Variants in SLC9A7 observed in about 807,000 individuals in gnomAD.
The protein encoded by SLC9A7 is sodium/hydrogen exchanger 7.
In SLC9A7, 19 loss-of-function variants were observed where a neutral mutation model predicts 52.6. The ratio of observed to expected loss-of-function variants is 0.36; its 90% CI spans 0.25 to 0.53. The LOEUF (loss-of-function observed/expected upper bound fraction) is 0.53. SLC9A7 is among the 20% of genes least tolerant of loss of function. The pLI, the probability that SLC9A7 is intolerant of heterozygous loss-of-function variation, is 0.91. For synonymous variants in SLC9A7, 226 were observed against 252.1 expected (o/e 0.90, Z 0.98); for missense variants, 455 against 597.9 (o/e 0.76, Z 2.49).
intron 1 of SLC9A7, among the ~76,000 whole-genome samples, chrX:46,756,351 T>A (rs1556292392): frequency 8.9e-6 from 1 of 112,216 alleles, no homozygotes; most frequent in African/African-American, 3.2e-5. Flanking sequence ...TCTTGAAAAA[T>A]CTTTACTGGA....
chrX:46,642,306 GC>G (rs776622186), intron 12 of SLC9A7, among the ~76,000 whole-genome samples: 19 of 112,918 alleles, frequency 1.7e-4, no homozygotes, highest in Middle Eastern at 4.6e-3. Flanking sequence ...AAAAACCATT[GC>G]CACCTTGTGG....
chrX:46,717,629 C>T (rs777190030), intron 1 of SLC9A7, among the ~76,000 whole-genome samples: 1 of 111,845 alleles, frequency 8.9e-6, no homozygotes, highest in South Asian at 3.8e-4. Context: ...ATCCACCCAT[C>T]TCAGCCTCCC....
chrX:46,607,173 CAG>C lies in SLC9A7; in HGVS notation c.1958_1959del (p.Ser653Ter). 2 of 1,210,993 alleles carry C rather than the reference CAG, an allele frequency of 1.7e-6. No individual in the cohort carries two copies. Among genetic ancestry groups the C allele is most frequent in the Non-Finnish European group, 2.2e-6 (2 of 895,167 alleles). ...AGGTCGCCTTCGGTCAGGATGAAAT[CAG>C]AGTCTTCCTCTCTCAGTGGCTCTTG... ...DNQEPLREED[S>X]DFILTEGDLT... On this transcript the variant is annotated frameshift_variant, in exon 17 of 17. Coordinates refer to ENST00000616978, the MANE Select transcript of SLC9A7 (RefSeq NM_001257291.2). LOFTEE classifies it high-confidence loss of function.
chrX:46,636,639 T>C (rs1382569946), intron 12 of SLC9A7, among the ~76,000 whole-genome samples: 2 of 102,621 alleles, frequency 1.9e-5, no homozygotes, highest in Non-Finnish European at 4.0e-5. Flanking sequence ...TCTTGTAGGT[T>C]AAAAAAAAAA....
At chrX:46,698,411 A>G (rs1285569917) in intron 1 of SLC9A7, among the ~76,000 whole-genome samples, 9 of 112,206 alleles carry the variant, frequency 8.0e-5, no homozygotes, top group African/African-American at 2.9e-4. Flanking sequence ...ATAGAAAAGA[A>G]CCTACGTGAA....
chrX:46,663,993 T>C (rs1158439221), intron 5 of SLC9A7, among the ~76,000 whole-genome samples: 2 of 111,642 alleles, frequency 1.8e-5, no homozygotes, highest in Non-Finnish European at 3.8e-5. Flanking sequence ...ATAAATTCCA[T>C]CTTTGTGCCA....
intron 5 of SLC9A7, among the ~76,000 whole-genome samples, chrX:46,663,405 G>A (rs1408032609): frequency 2.7e-5 from 3 of 109,757 alleles, no homozygotes; most frequent in Non-Finnish European, 3.8e-5. Flanking sequence ...TTGGGAGGCC[G>A]AGGCGGGTGG....
At chrX:46,727,903 T>C (rs1944970407) in intron 1 of SLC9A7, among the ~76,000 whole-genome samples, 5 of 111,881 alleles carry the variant, frequency 4.5e-5, no homozygotes, top group South Asian at 7.4e-4. Context: ...TATTGCACGA[T>C]AGCACAGTGA....
chrX:46,611,630 T>C (rs1447986975), intron 16 of SLC9A7, among the ~76,000 whole-genome samples: 1 of 112,804 alleles, frequency 8.9e-6, no homozygotes, highest in Non-Finnish European at 1.9e-5. Flanking sequence ...AGTTTCCCAG[T>C]GTAAAGTTCT....
In SLC9A7 at chrX:46,599,979, T is replaced by C. The variant is rs1397523814; in HGVS notation, c.*6973A>G. 1.8e-5 allele frequency: 2 copies of C among 112,181 alleles called. No individual in the cohort carries two copies. The highest frequency in any genetic ancestry group is 6.5e-5 in the African/African-American group (2 of 30,863). 9.2% of individuals were successfully genotyped at this position (112,181 alleles called of 1,213,427 possible). Reference sequence around the variant, plus strand: ...CATTTAACCATTTTCATGGACATAGTACAACTTTCCAAGTAAAAAGTACCA... The same window carrying C: ...CATTTAACCATTTTCATGGACATAGCACAACTTTCCAAGTAAAAAGTACCA... On this transcript the variant is annotated 3_prime_UTR_variant, in exon 17 of 17. Transcript: ENST00000616978.
At chrX:46,704,605 T>C (rs1371384247) in intron 1 of SLC9A7, among the ~76,000 whole-genome samples, 1 of 112,399 alleles carries the variant, frequency 8.9e-6, no homozygotes, top group Non-Finnish European at 1.9e-5. Context: ...TCTAATTATA[T>C]ACTGGTTTTA....
chrX:46,608,304 C>T (rs745369703), intron 16 of SLC9A7, among the ~76,000 whole-genome samples: 1 of 112,865 alleles, frequency 8.9e-6, no homozygotes, highest in South Asian at 3.6e-4. Flanking sequence ...GGTTGCGTTT[C>T]CTCTCCCAGA....
rs1023317712 is a variant in SLC9A7 at position 46,599,337 on chromosome X, A to AAAG, written c.*7612_*7614dup. 1 of 111,895 alleles carries AAAG rather than the reference A, an allele frequency of 8.9e-6. No homozygotes were observed. The highest frequency in any genetic ancestry group is 3.2e-5 in the African/African-American group (1 of 30,780). The allele number at this position is 111,895 out of a possible 1,213,427, so 9.2% of individuals were successfully genotyped here. On this transcript the variant is annotated 3_prime_UTR_variant, in exon 17 of 17. Coordinates refer to ENST00000616978, the MANE Select transcript of SLC9A7 (RefSeq NM_001257291.2). ...GCTGTAGTTTGCCAACCCCAGGCCT[A>AAAG]AAGAAAGCTGGAGAGGAATAGCTTA...
At chrX:46,655,513 C>T (rs1032966779) in intron 7 of SLC9A7, among the ~76,000 whole-genome samples, 2 of 111,354 alleles carry the variant, frequency 1.8e-5, no homozygotes. Flanking sequence ...AGTGGGTGCG[C>T]GCACCATGTG....
intron 16 of SLC9A7, among the ~76,000 whole-genome samples, chrX:46,608,847 C>T (rs1942796289): frequency 1.8e-5 from 2 of 110,555 alleles, no homozygotes; most frequent in African/African-American, 3.3e-5. Flanking sequence ...AATTTCACCA[C>T]GTTGGTCAGG....
At chrX:46,713,064 CAT>C (rs752929803) in intron 1 of SLC9A7, among the ~76,000 whole-genome samples, 2 of 112,552 alleles carry the variant, frequency 1.8e-5, no homozygotes, top group East Asian at 5.5e-4. Flanking sequence ...ATTTAATTCT[CAT>C]AATCTGATAA....
At chrX:46,744,952 T>C (rs1294239386) in intron 1 of SLC9A7, among the ~76,000 whole-genome samples, 2 of 107,441 alleles carry the variant, frequency 1.9e-5, no homozygotes, top group Non-Finnish European at 3.8e-5. Context: ...AACTTTAAAA[T>C]GGTAGGAAGG....
chrX:46,717,033 G>T (rs1944779780), intron 1 of SLC9A7, among the ~76,000 whole-genome samples: 1 of 112,390 alleles, frequency 8.9e-6, no homozygotes, highest in Non-Finnish European at 1.9e-5. Context: ...TTTTCCTAAA[G>T]AAATTGTGAA....
intron 1 of SLC9A7, among the ~76,000 whole-genome samples, chrX:46,722,236 G>A (rs967985888): frequency 1.5e-4 from 17 of 111,544 alleles, no homozygotes; most frequent in African/African-American, 5.5e-4. Context: ...TTAACTTAGA[G>A]TTTTATTATG....
Sources: gnomAD v4.1 joint callset for allele counts (sites outside exome capture counted in the v4.1 genomes callset) on GRCh38, gnomAD v4.1.1 for gene constraint, MANE v1.5 for transcripts, NCBI Gene and HGNC (gene_info 2026-07-23, HGNC 2026-07-21) for gene names.